The following ADCY10 variants were observed in gnomAD, a reference collection of about 807,000 sequenced individuals.
ADCY10 encodes adenylate cyclase type 10.
ADCY10 carries 156 observed loss-of-function variants against 183.3 expected under a neutral mutation model. The ratio of observed to expected loss-of-function variants is 0.85; its 90% CI spans 0.75 to 0.97. ADCY10 has a LOEUF of 0.97. Ranked by LOEUF, ADCY10 falls within the 50% of genes least tolerant of loss-of-function variation. ADCY10 has a pLI of 0.00. For missense variants in ADCY10, 1,745 were observed against 1,934.3 expected, an observed-to-expected ratio of 0.90 and a Z score of 1.84; for synonymous variants, 645 against 670.0, an observed-to-expected ratio of 0.96 and a Z score of 0.58.
At chr1:167,811,121 T>C (rs920806027) in intron 31 of ADCY10, among the ~76,000 whole-genome samples, 5 of 152,208 alleles carry the variant, frequency 3.3e-5, no homozygotes, top group African/African-American at 9.6e-5. Flanking sequence ...AGATCAGGAA[T>C]TGACCTGAGA....
chr1:167,856,058 G>C (rs1024424217), intron 17 of ADCY10, 107 bp downstream of exon 17: 4 of 1,277,588 alleles, frequency 3.1e-6, no homozygotes, highest in Non-Finnish European at 1.1e-6. Flanking sequence ...GGCCAGGAAA[G>C]ATACTGAAAT....
chr1:167,866,771 G>T (rs536078861), intron 14 of ADCY10, among the ~76,000 whole-genome samples: 1 of 144,214 alleles, frequency 6.9e-6, no homozygotes, highest in Non-Finnish European at 1.5e-5. Flanking sequence ...AAAAAAGAAT[G>T]GTTATCTTCA....
At chr1:167,902,856 T>C (rs1669534652) in intron 3 of ADCY10, among the ~76,000 whole-genome samples, 1 of 152,254 alleles carries the variant, frequency 6.6e-6, no homozygotes, top group Non-Finnish European at 1.5e-5. Context: ...TCAGCATCCA[T>C]CATTAGGAGA....
Position 167,810,816 on chromosome 1 carries a change from C to T in ADCY10, c.4580G>A (p.Gly1527Glu). The change falls in exon 32 of 33, where the codon GGG (glycine) becomes GAG (glutamate). Residue 1527 changes from glycine to glutamate, a missense_variant. Coordinates refer to ENST00000367851, the MANE Select transcript of ADCY10 (RefSeq NM_018417.6). ...MAYVCILMGDGQKCGLFLNTA... is the reference protein window; with the variant it reads ...MAYVCILMGDEQKCGLFLNTA... ...GTTCAGGAAGAGGCCACATTTCTGC[C>T]CATCTCCCATTAATATACAGACGTA... 1 of 1,614,176 alleles carries T rather than the reference C, an allele frequency of 6.2e-7. No homozygotes were observed. The highest frequency in any genetic ancestry group is 2.2e-5 in the East Asian group (1 of 44,890).
chr1:167,823,207 A>T, intron 28 of ADCY10, 84 bp from the exon 29 acceptor site: 1 of 1,171,880 alleles, frequency 8.5e-7, no homozygotes, highest in Non-Finnish European at 1.3e-6. Flanking sequence ...TGGGTGGATC[A>T]CGAGGTCAGG....
chr1:167,845,473 A>G (rs1278419610), intron 21 of ADCY10, 90 bp downstream of exon 21: 1 of 1,377,424 alleles, frequency 7.3e-7, no homozygotes, highest in Admixed American at 1.9e-5. Flanking sequence ...TGAGACTTGA[A>G]GCCCTCAAGA....
intron 14 of ADCY10, among the ~76,000 whole-genome samples, 195 bp downstream of exon 14, chr1:167,870,062 A>G (rs1014271019): frequency 3.3e-5 from 5 of 152,172 alleles, no homozygotes; most frequent in African/African-American, 1.2e-4. Flanking sequence ...CAGGATATCC[A>G]TGGGTCAGCC....
intron 30 of ADCY10, chr1:167,820,387 C>T: frequency 1.8e-6 from 1 of 559,058 alleles, no homozygotes; most frequent in East Asian, 3.2e-5. Context: ...GCCCGCCTGG[C>T]TCAGCACCCC....
chr1:167,844,852 C>T (rs753528250), intron 21 of ADCY10, among the ~76,000 whole-genome samples: 1 of 152,150 alleles, frequency 6.6e-6, no homozygotes, highest in Non-Finnish European at 1.5e-5. Flanking sequence ...TCACCAAGGT[C>T]CTCTGACTAG....
rs1468977652 is a variant in ADCY10, at chr1:167,823,063, G to A, written c.4113C>T (p.His1371=). 1 of 1,614,026 alleles carries A rather than the reference G, an allele frequency of 6.2e-7. No homozygotes were observed. The highest frequency in any genetic ancestry group is 8.5e-7 in the Non-Finnish European group (1 of 1,180,034). ...AATAGAAAAATGCCTTGCTGAAGATGTGTTCCTGTGTTACAGAAAGCTCCC... is the reference window on the plus strand; with the variant it reads ...AATAGAAAAATGCCTTGCTGAAGATATGTTCCTGTGTTACAGAAAGCTCCC... The part of the protein sequence containing the change: ...RLWELSVTQE[H]IFSKAFFYFV... The change falls in exon 29 of 33, where the codon CAC becomes CAT. Residue 1371 remains histidine, a synonymous_variant. Transcript: ENST00000367851.
At chr1:167,810,631 G>A in intron 32 of ADCY10, 94 bp downstream of exon 32, 2 of 1,180,816 alleles carry the variant, frequency 1.7e-6, no homozygotes, top group Non-Finnish European at 2.5e-6. Context: ...TTTTGTTAAT[G>A]GCAGCCTGGT....
rs1359737135 is a variant in ADCY10 at position 167,846,253 on chromosome 1, CA to C, written c.2447del (p.Leu816ArgfsTer7). ...SPPTSLKEIS[L>X]IQLDSMRLSH... ...AAAGTCTCATGCTATCCAGCTGGATCAGAGAGATTTCTGCAGGTAGAAGGCC... is the reference window on the plus strand; with the variant it reads ...AAAGTCTCATGCTATCCAGCTGGATCGAGAGATTTCTGCAGGTAGAAGGCC... On this transcript the variant is annotated frameshift_variant, in exon 20 of 33. Transcript: ENST00000367851. LOFTEE classifies it high-confidence loss of function. 4 of 1,614,024 alleles carry C rather than the reference CA, an allele frequency of 2.5e-6. No homozygotes were observed. The African/African-American group carries it at 4.0e-5, about 16-fold the overall frequency.
chr1:167,815,513 T>G lies in ADCY10; in HGVS notation c.4482+2559A>C, dbSNP rs142287435. Among the ~76,000 whole-genome samples the G allele has an allele frequency of 5.1e-4, 78 of 152,286 alleles. No individual in the cohort carries two copies. In the East Asian group the frequency reaches 0.012, roughly 24 times the overall value. ...TCTTAGTCCAGAGGAATAGGCTCAC[T>G]AAAAGACTGAGACCTAATCATAGGA... is the stretch of plus-strand genomic sequence containing the variant. On this transcript the variant is annotated intron_variant, in intron 31 of 32. Coordinates refer to ENST00000367851, the MANE Select transcript of ADCY10 (RefSeq NM_018417.6).
chr1:167,903,255 C>CAAA (rs10636915), intron 3 of ADCY10, among the ~76,000 whole-genome samples: 32 of 143,174 alleles, frequency 2.2e-4, no homozygotes, highest in African/African-American at 6.7e-4. Flanking sequence ...GACTCTGACT[C>CAAA]AAAAAAAAAA....
At chr1:167,823,196 G>A (rs902322071) in intron 28 of ADCY10, 73 bp from the exon 29 acceptor site, 5 of 1,313,450 alleles carry the variant, frequency 3.8e-6, no homozygotes, top group Non-Finnish European at 5.5e-6. Context: ...GGAGGCTGAG[G>A]TGGGTGGATC....
Position 167,856,499 on chromosome 1 carries a change from T to C in ADCY10, c.1897-60A>G. ...ATAGGACGTCAGGTTTTTTTACACA[T>C]GTATGGGTATGCATATGTATCCATT... On this transcript the variant is annotated intron_variant, in intron 16 of 32. Coordinates refer to ENST00000367851, the MANE Select transcript of ADCY10 (RefSeq NM_018417.6). The C allele has an allele frequency of 3.2e-6, 5 of 1,546,602 alleles. No homozygotes were observed. In the South Asian group the frequency reaches 5.6e-5, roughly 17 times the overall value.
intron 10 of ADCY10, 147 bp from the exon 11 acceptor site, chr1:167,880,338 C>A: frequency 1.0e-6 from 1 of 962,860 alleles, no homozygotes; most frequent in South Asian, 1.3e-5. Context: ...GGCATTTCTA[C>A]ATGGCCCGGA....
intron 31 of ADCY10, among the ~76,000 whole-genome samples, chr1:167,816,232 A>G (rs1207552880): frequency 6.6e-6 from 1 of 152,142 alleles, no homozygotes; most frequent in African/African-American, 2.4e-5. Context: ...TATAATTTGT[A>G]AACTACAGAA....
chr1:167,880,867 G>C (rs553420912), intron 9 of ADCY10, among the ~76,000 whole-genome samples: 2 of 152,178 alleles, frequency 1.3e-5, no homozygotes, highest in Admixed American at 1.3e-4. Context: ...TGCATGCTTC[G>C]GCCTACTCTC....
Sources: gnomAD v4.1 joint callset for allele counts (sites outside exome capture counted in the v4.1 genomes callset) on GRCh38, gnomAD v4.1.1 for gene constraint, MANE v1.5 for transcripts, NCBI Gene and HGNC (gene_info 2026-07-23, HGNC 2026-07-21) for gene names.